KIAA1958: variants seen among roughly 807,000 people sequenced by gnomAD.
KIAA1958 encodes KIAA1958.
A neutral mutation model predicts 47.2 loss-of-function variants in KIAA1958; 14 were observed. The ratio of observed to expected loss-of-function variants is 0.30; its 90% CI spans 0.20 to 0.46. The LOEUF (loss-of-function observed/expected upper bound fraction) is 0.46, where lower values mean the gene tolerates loss of function less well. Ranked by LOEUF, KIAA1958 falls within the 20% of genes least tolerant of loss-of-function variation. The pLI is 1.00. For missense variants in KIAA1958, 803 were observed against 909.2 expected, an observed-to-expected ratio of 0.88 and a Z score of 1.50; for synonymous variants, 354 against 353.3, an observed-to-expected ratio of 1.00 and a Z score of -0.02.
At chr9:112,505,623 A>G (rs1834221269) in intron 1 of KIAA1958, among the ~76,000 whole-genome samples, 2 of 152,254 alleles carry the variant, frequency 1.3e-5, no homozygotes, top group Admixed American at 6.5e-5. Flanking sequence ...AACTTTAATT[A>G]GCATAGTGGT....
chr9:112,500,947 C>CA (rs948330260), intron 1 of KIAA1958, among the ~76,000 whole-genome samples: 1,519 of 124,154 alleles, frequency 0.012, 10 homozygotes, highest in African/African-American at 0.02. Flanking sequence ...CCCATCGCTA[C>CA]AAAAAAAAAA....
chr9:112,610,917 G>A (rs62575196), intron 2 of KIAA1958, among the ~76,000 whole-genome samples: 12,367 of 152,110 alleles, frequency 0.081, 708 homozygotes, highest in East Asian at 0.19. Flanking sequence ...ATTCATAACA[G>A]ACATTAAATA....
rs1384921921 is a variant in KIAA1958 at position 112,668,739 on chromosome 9, C to T, written c.*8670C>T. On this transcript the variant is annotated 3_prime_UTR_variant, in exon 4 of 4. Transcript: ENST00000337530. ...ATAGGCAATGGACTGCTTTGCATTT[C>T]CTTAGTTTTTCATTCTGAAACAGAG... 6.6e-6 allele frequency: 1 copy of T among 152,162 alleles called. No homozygotes were observed. The highest frequency in any genetic ancestry group is 2.4e-5 in the African/African-American group (1 of 41,434). The allele number at this position is 152,162 out of a possible 1,614,324, so 9.4% of individuals were successfully genotyped here.
intron 1 of KIAA1958, among the ~76,000 whole-genome samples, chr9:112,513,135 G>C (rs1360302125): frequency 2.7e-5 from 4 of 149,734 alleles, no homozygotes; most frequent in African/African-American, 9.9e-5. Context: ...CTCCAGAGTA[G>C]CTGGGATTAC....
chr9:112,612,214 C>T (rs1281427096), intron 2 of KIAA1958, among the ~76,000 whole-genome samples: 2 of 151,854 alleles, frequency 1.3e-5, no homozygotes, highest in Non-Finnish European at 1.5e-5. Flanking sequence ...TTGAGACCAA[C>T]CTGGACAACT....
Position 112,574,761 on chromosome 9 carries a change from C to T in KIAA1958, c.681C>T (p.Ala227=), listed in dbSNP as rs140207534. ...TGACAGGAGGAGTAGATGGACCAGC[C>T]CTGTCCTTGACACAGATGGCAAAAC... The part of the protein sequence containing the change: ...AELTGGVDGP[A]LSLTQMAKPK... The change falls in exon 2 of 4, where the codon GCC becomes GCT. Residue 227 remains alanine (A), a synonymous_variant. Coordinates refer to ENST00000337530, the MANE Select transcript of KIAA1958 (RefSeq NM_133465.4). The T allele has an allele frequency of 3.1e-6, 5 of 1,614,068 alleles. No homozygotes were observed. The Admixed American group carries it at 8.3e-5, about 27-fold the overall frequency.
At chr9:112,555,036 C>T (rs745482579) in intron 1 of KIAA1958, among the ~76,000 whole-genome samples, 4 of 152,284 alleles carry the variant, frequency 2.6e-5, no homozygotes, top group African/African-American at 7.2e-5. Context: ...CAGATTCTGA[C>T]GACACAGAAA....
rs762487035 is a variant in KIAA1958 at position 112,574,480 on chromosome 9, A to G, written c.400A>G (p.Thr134Ala). The G allele has an allele frequency of 6.8e-6, 11 of 1,613,978 alleles. No homozygotes were observed. Among genetic ancestry groups the G allele is most frequent in the Non-Finnish European group, 8.5e-6 (10 of 1,180,022 alleles). Residue 134 changes from threonine (T) to alanine (A), a missense_variant, in exon 2 of 4, where the codon ACT becomes GCT. Around this residue, in one of 2 missense-constraint regions of KIAA1958, gnomAD observed 761 missense variants for 829.3 expected, o/e 0.92. Transcript: ENST00000337530. ...TAGTGAGCCCTCTGAACTGGATGAA[A>G]CTGTTGAAGAATATGAAGATGAGAA... is the stretch of plus-strand genomic sequence containing the variant. ...YCSEPSELDE[T>A]VEEYEDENTL... is the part of the protein sequence containing the mutation.
intron 1 of KIAA1958, among the ~76,000 whole-genome samples, chr9:112,545,798 T>C (rs1452638395): frequency 1.3e-5 from 2 of 151,072 alleles, no homozygotes; most frequent in Non-Finnish European, 2.9e-5. Flanking sequence ...TAGATAAATA[T>C]TTCTTTAGTG....
intron 1 of KIAA1958, among the ~76,000 whole-genome samples, chr9:112,561,556 C>A (rs956237852): frequency 6.6e-6 from 1 of 152,074 alleles, no homozygotes; most frequent in Non-Finnish European, 1.5e-5. Context: ...CATATGATTT[C>A]TCTTAAAAGA....
chr9:112,541,010 G>A lies in KIAA1958; in HGVS notation c.-24-33047G>A, dbSNP rs137957958. The stretch of plus-strand genomic sequence containing the variant: ...ACTGGGATTACAGGGGTGAGTCACC[G>A]AGCCTGGCCTGGAGTTTCATAATCT... On this transcript the variant is annotated intron_variant, in intron 1 of 3. Coordinates refer to ENST00000337530, the MANE Select transcript of KIAA1958 (RefSeq NM_133465.4). Among the ~76,000 whole-genome samples the A allele has an allele frequency of 9.1e-3, 1,384 of 152,102 alleles. 11 individuals carry two copies. Among genetic ancestry groups the A allele is most frequent in the Non-Finnish European group, 0.013 (884 of 67,988 alleles).
chr9:112,520,256 G>A (rs1834514613), intron 1 of KIAA1958, among the ~76,000 whole-genome samples: 1 of 152,206 alleles, frequency 6.6e-6, no homozygotes, highest in African/African-American at 2.4e-5. Flanking sequence ...TTTAGCACTG[G>A]CTTTGAGTAG....
chr9:112,565,967 G>T (rs935628220), intron 1 of KIAA1958, among the ~76,000 whole-genome samples: 3 of 152,124 alleles, frequency 2.0e-5, no homozygotes, highest in African/African-American at 7.2e-5. Flanking sequence ...GCAGTGGCGC[G>T]ATCTCAGCTC....
At chr9:112,510,457 CT>C (rs1180266873) in intron 1 of KIAA1958, among the ~76,000 whole-genome samples, 1 of 152,192 alleles carries the variant, frequency 6.6e-6, no homozygotes, top group Non-Finnish European at 1.5e-5. Context: ...TAAAATTTCT[CT>C]TTACACTGAT....
chr9:112,576,542 A>G (rs1404830802), intron 2 of KIAA1958, among the ~76,000 whole-genome samples: 2 of 152,174 alleles, frequency 1.3e-5, no homozygotes, highest in East Asian at 3.8e-4. Context: ...GCAACTGCTA[A>G]TCTGCTTTCT....
chr9:112,547,433 C>G (rs1360307942), intron 1 of KIAA1958, among the ~76,000 whole-genome samples: 1 of 150,938 alleles, frequency 6.6e-6, no homozygotes, highest in Non-Finnish European at 1.5e-5. Context: ...TGAACGGACC[C>G]CTTTTCTGGG....
Position 112,574,334 on chromosome 9 carries a change from C to A in KIAA1958, c.254C>A (p.Pro85His). The change falls in exon 2 of 4, where the codon CCC becomes CAC. Residue 85 changes from proline (P) to histidine (H), a missense_variant. Around this residue, in one of 2 missense-constraint regions of KIAA1958, gnomAD observed 761 missense variants for 829.3 expected, o/e 0.92. Transcript: ENST00000337530. ...QDNRSFNSDS[P>H]SIIGVPSETQ... Reference sequence around the variant, plus strand: ...AACAGAAGTTTTAACTCTGATAGTCCCAGTATAATCGGGGTGCCCTCTGAG... The same window carrying A: ...AACAGAAGTTTTAACTCTGATAGTCACAGTATAATCGGGGTGCCCTCTGAG... 1 of 1,614,110 alleles carries A rather than the reference C, an allele frequency of 6.2e-7. No individual in the cohort carries two copies. Among genetic ancestry groups the A allele is most frequent in the Non-Finnish European group, 8.5e-7 (1 of 1,180,002 alleles).
chr9:112,522,767 A>G (rs989685982), intron 1 of KIAA1958, among the ~76,000 whole-genome samples: 22 of 152,346 alleles, frequency 1.4e-4, no homozygotes, highest in African/African-American at 5.0e-4. Context: ...AAAGCTGGGC[A>G]AGATGAATGT....
At chr9:112,654,332 G>A (rs1568125) in intron 3 of KIAA1958, among the ~76,000 whole-genome samples, 30,660 of 152,076 alleles carry the variant, frequency 0.2, 3,443 homozygotes, top group East Asian at 0.37. Flanking sequence ...CACATTAGGA[G>A]AATGGATAGA....
Sources: gnomAD v4.1 joint callset for allele counts (sites outside exome capture counted in the v4.1 genomes callset) on GRCh38, gnomAD v4.1.1 for gene constraint, gnomAD v4.1.1 regional missense constraint, MANE v1.5 for transcripts, NCBI Gene and HGNC (gene_info 2026-07-23, HGNC 2026-07-21) for gene names.